SGCD: variants seen among roughly 807,000 people sequenced by gnomAD.
SGCD encodes the protein sarcoglycan delta.
SGCD carries 18 observed loss-of-function variants against 36.6 expected under a neutral mutation model. The observed-to-expected ratio is 0.49, with a 90% CI of 0.34 to 0.73. The LOEUF (loss-of-function observed/expected upper bound fraction) is 0.73. SGCD is among the 30% of genes least tolerant of loss of function. SGCD has a pLI of 0.01. For missense variants in SGCD, 387 were observed against 346.7 expected, an observed-to-expected ratio of 1.12 and a Z score of -0.92; for synonymous variants, 133 against 130.6, an observed-to-expected ratio of 1.02 and a Z score of -0.12.
chr5:155,782,406 G>GAAACA, the SGCD span, among the ~76,000 whole-genome samples: 62 of 151,866 alleles, frequency 4.1e-4, no homozygotes, highest in East Asian at 0.01. Context: ...CAAAAAATTT[G>GAAACA]AAACAAAACA....
intron 6 of SGCD, among the ~76,000 whole-genome samples, chr5:156,609,044 A>C (rs1430051740): frequency 6.6e-6 from 1 of 151,896 alleles, no homozygotes; most frequent in Non-Finnish European, 1.5e-5. Context: ...GCCCATTTAC[A>C]TTTAAGGTTA....
At chr5:156,286,188 G>C (rs1187665058) in intron 3 of SGCD, among the ~76,000 whole-genome samples, 1 of 152,190 alleles carries the variant, frequency 6.6e-6, no homozygotes, top group East Asian at 1.9e-4. Flanking sequence ...GTGCTAGAGA[G>C]GATGTGGAGA....
chr5:156,421,971 T>C (rs1773331542), intron 3 of SGCD, among the ~76,000 whole-genome samples: 1 of 152,046 alleles, frequency 6.6e-6, no homozygotes, highest in Non-Finnish European at 1.5e-5. Flanking sequence ...CATGGAGTGC[T>C]TTTGGAAACA....
intron 3 of SGCD, among the ~76,000 whole-genome samples, chr5:156,296,287 C>T (rs1245134805): frequency 6.6e-6 from 1 of 152,132 alleles, no homozygotes; most frequent in Non-Finnish European, 1.5e-5. Context: ...CCTTGAGGAA[C>T]TGGAAGGAGG....
chr5:156,365,221 A>G (rs1273625247), intron 3 of SGCD, among the ~76,000 whole-genome samples: 1 of 152,222 alleles, frequency 6.6e-6, no homozygotes, highest in East Asian at 1.9e-4. Context: ...ATCGCTTCAC[A>G]CTCACATCCT....
chr5:156,476,364 G>A (rs774313959), intron 3 of SGCD, among the ~76,000 whole-genome samples: 9 of 152,274 alleles, frequency 5.9e-5, no homozygotes, highest in Non-Finnish European at 8.8e-5. Context: ...AAGTGAGAGC[G>A]GCCGAAGTGG....
rs79855826 is a variant in SGCD at position 156,193,733 on chromosome 5, T to A, written c.-44+69714T>A. 2.0e-3 allele frequency among the ~76,000 whole-genome samples: 301 copies of A among 152,296 alleles called. 1 individual carries two copies. Among genetic ancestry groups the A allele is most frequent in the African/African-American group, 7.1e-3 (296 of 41,570 alleles). On this transcript the variant is annotated intron_variant, in intron 3 of 9. Transcript: ENST00000517913. ...GAGAGATGGAACTTCAGTCTTTGATTTGAACAACTAAAAAATTTCTTCCTC... is the reference window on the plus strand; with the variant it reads ...GAGAGATGGAACTTCAGTCTTTGATATGAACAACTAAAAAATTTCTTCCTC...
intron 3 of SGCD, among the ~76,000 whole-genome samples, chr5:156,226,442 A>G (rs1367011897): frequency 6.6e-6 from 1 of 152,012 alleles, no homozygotes; most frequent in Non-Finnish European, 1.5e-5. Flanking sequence ...GCATATGTAT[A>G]CCAGTTTCTT....
chr5:156,697,641 A>G (rs1248525642), intron 7 of SGCD, among the ~76,000 whole-genome samples: 2 of 152,130 alleles, frequency 1.3e-5, no homozygotes, highest in Non-Finnish European at 2.9e-5. Flanking sequence ...TTCACACTCT[A>G]TCATAATTGC....
chr5:155,751,396 T>A, the SGCD span, among the ~76,000 whole-genome samples: 1 of 152,182 alleles, frequency 6.6e-6, no homozygotes, highest in Non-Finnish European at 1.5e-5. Flanking sequence ...GCATAGATTT[T>A]ATTTTCTTCT....
intron 1 of SGCD, among the ~76,000 whole-genome samples, chr5:155,881,977 A>G (rs1755897309): frequency 6.6e-6 from 1 of 152,186 alleles, no homozygotes; most frequent in South Asian, 2.1e-4. Flanking sequence ...TTGCTACCAT[A>G]TCTGCAGTTA....
In SGCD at chr5:156,761,333, A is replaced by G. The variant is rs1345651195; in HGVS notation, c.*1943A>G. 6.6e-6 allele frequency: 1 copy of G among 152,212 alleles called. No homozygotes were observed. Among genetic ancestry groups the G allele is most frequent in the African/African-American group, 2.4e-5 (1 of 41,432 alleles). The allele number at this position is 152,212 out of a possible 1,614,324, so 9.4% of individuals were successfully genotyped here. A position where few individuals can be genotyped will look rare whatever the true frequency, so the allele number is the denominator to read the frequency against. Reference sequence around the variant, plus strand: ...AGACTCACTCCAAGCACTCTTGTTCAATATCTCATGCAGAAGAGTTGGGCT... The same window carrying G: ...AGACTCACTCCAAGCACTCTTGTTCGATATCTCATGCAGAAGAGTTGGGCT... On this transcript the variant is annotated 3_prime_UTR_variant, in exon 9 of 9. Transcript: ENST00000337851.
chr5:155,906,439 A>C (rs1336271675), intron 1 of SGCD, among the ~76,000 whole-genome samples: 2 of 152,186 alleles, frequency 1.3e-5, no homozygotes, highest in African/African-American at 4.8e-5. Context: ...GAAAGGCTGA[A>C]AGCTAGGTCT....
At chr5:156,448,618 C>A (rs1219846545) in intron 3 of SGCD, among the ~76,000 whole-genome samples, 1 of 152,018 alleles carries the variant, frequency 6.6e-6, no homozygotes, top group African/African-American at 2.4e-5. Context: ...AACTTACTTA[C>A]CCTCTTGGCA....
intron 4 of SGCD, among the ~76,000 whole-genome samples, chr5:156,548,305 T>C (rs2113185072): frequency 6.6e-6 from 1 of 152,280 alleles, no homozygotes; most frequent in Admixed American, 6.5e-5. Flanking sequence ...GAAGAGTTAA[T>C]TGGAAAAGTA....
chr5:156,714,992 A>C (rs1755156022), intron 7 of SGCD, among the ~76,000 whole-genome samples: 1 of 152,140 alleles, frequency 6.6e-6, no homozygotes, highest in Admixed American at 6.5e-5. Context: ...GGAGAAACAG[A>C]GATTGTATTT....
At chr5:156,014,467 C>A (rs1447070425) in intron 1 of SGCD, among the ~76,000 whole-genome samples, 1 of 152,012 alleles carries the variant, frequency 6.6e-6, no homozygotes, top group Non-Finnish European at 1.5e-5. Flanking sequence ...GAGAAAATTA[C>A]CAGATTAATT....
chr5:156,172,409 G>A (rs1763367310), intron 3 of SGCD, among the ~76,000 whole-genome samples: 1 of 152,238 alleles, frequency 6.6e-6, no homozygotes, highest in Admixed American at 6.5e-5. Context: ...AAGTCGGGAA[G>A]CATTTGTGTT....
At chr5:156,343,192 T>C (rs771395651) in intron 2 of SGCD, among the ~76,000 whole-genome samples, 18 of 152,372 alleles carry the variant, frequency 1.2e-4, no homozygotes, top group Non-Finnish European at 2.5e-4. Context: ...GCATTTTGGT[T>C]TTCATTATGG....
Sources: allele counts gnomAD v4.1 joint callset (sites outside exome capture counted in the v4.1 genomes callset), GRCh38; gene constraint gnomAD v4.1.1; transcripts MANE v1.5; gene names NCBI Gene and HGNC (gene_info 2026-07-23, HGNC 2026-07-21).